Variants in C6orf89 observed in about 807,000 individuals in gnomAD.
C6orf89 encodes bombesin receptor-activated protein C6orf89.
A neutral mutation model predicts 40.7 loss-of-function variants in C6orf89; 29 were observed. That is an observed-to-expected ratio of 0.71 (90% CI 0.53 to 0.97). The LOEUF (loss-of-function observed/expected upper bound fraction) is 0.97, where lower values mean the gene tolerates loss of function less well. Among genes scored for constraint, C6orf89 ranks in the 50% least tolerant of loss-of-function variants. The pLI is 0.00. For missense variants in C6orf89, 392 were observed against 429.1 expected, an observed-to-expected ratio of 0.91 and a Z score of 0.76; for synonymous variants, 165 against 152.2, an observed-to-expected ratio of 1.08 and a Z score of -0.62.
chr6:36,874,659 T>C (rs1436900986), intron 1 of C6orf89: 8 of 1,591,430 alleles, frequency 5.0e-6, no homozygotes, highest in African/African-American at 4.0e-5. Flanking sequence ...CGCAGACCCG[T>C]GGTGAGGCCC....
chr6:36,880,466 T>C (rs111608903), intron 2 of C6orf89, among the ~76,000 whole-genome samples: 1,554 of 152,308 alleles, frequency 0.01, 25 homozygotes, highest in African/African-American at 0.035. Flanking sequence ...ATAAAAGAGC[T>C]CAAATTAATT....
intron 6 of C6orf89, among the ~76,000 whole-genome samples, chr6:36,915,981 T>C (rs1271032972): frequency 6.6e-6 from 1 of 152,180 alleles, no homozygotes; most frequent in Non-Finnish European, 1.5e-5. Flanking sequence ...TATCTTTCTT[T>C]AAATGTGCTG....
At chr6:36,882,713 C>CT (rs1168220528), upstream of C6orf89, among the ~76,000 whole-genome samples, 552 of 115,322 alleles carry the variant, frequency 4.8e-3, 6 homozygotes, top group East Asian at 0.017. Context: ...TTGTCATTTT[C>CT]TTTTTTTTTT....
chr6:36,879,790 A>G lies in C6orf89; in HGVS notation c.-503+658A>G, dbSNP rs373341569. Among the ~76,000 whole-genome samples, 4 of 152,250 alleles carry G rather than the reference A, an allele frequency of 2.6e-5. No homozygotes were observed. In the East Asian group the frequency reaches 5.8e-4, roughly 22 times the overall value. On this transcript the variant is annotated intron_variant, in intron 2 of 9. Coordinates refer to the C6orf89 transcript ENST00000359359. Reference sequence around the variant, plus strand: ...TCCATCTTGTTTTATGTCCTTGGGAACTTGACCTCGTAACCACGTGGCAGT... The same window carrying G: ...TCCATCTTGTTTTATGTCCTTGGGAGCTTGACCTCGTAACCACGTGGCAGT...
rs371877075 is a variant in C6orf89, at chr6:36,886,895, T to C, written c.-120+867T>C. Among the ~76,000 whole-genome samples, 64 of 152,330 alleles carry C rather than the reference T, an allele frequency of 4.2e-4. 1 individual carries two copies. The South Asian group carries it at 0.012, about 29-fold the overall frequency. ...AACTAATAAATTCAATTCTGCTACATTGAAGTTTTGACTAAAGGTTCATGT... is the reference window on the plus strand; with the variant it reads ...AACTAATAAATTCAATTCTGCTACACTGAAGTTTTGACTAAAGGTTCATGT... On this transcript the variant is annotated intron_variant, in intron 1 of 8. Coordinates refer to ENST00000480824, the MANE Select transcript of C6orf89 (RefSeq NM_001286635.2).
intron 4 of C6orf89, among the ~76,000 whole-genome samples, chr6:36,911,014 G>A (rs185669655): frequency 6.6e-6 from 1 of 151,828 alleles, no homozygotes; most frequent in Non-Finnish European, 1.5e-5. Flanking sequence ...ACTTGTGTTC[G>A]CCTCTAACTT....
chr6:36,882,532 T>G (rs1314054201), upstream of C6orf89, among the ~76,000 whole-genome samples: 1 of 152,204 alleles, frequency 6.6e-6, no homozygotes, highest in Non-Finnish European at 1.5e-5. Flanking sequence ...TTAAACGTTC[T>G]GGAAAAGATA....
chr6:36,891,548 T>C (rs1209928248), intron 1 of C6orf89, among the ~76,000 whole-genome samples: 1 of 152,248 alleles, frequency 6.6e-6, no homozygotes, highest in Non-Finnish European at 1.5e-5. Context: ...TTTCTAGTTC[T>C]AGATCCTTGA....
At chr6:36,896,852 GC>G (rs1761447360) in intron 2 of C6orf89, among the ~76,000 whole-genome samples, 1 of 152,046 alleles carries the variant, frequency 6.6e-6, no homozygotes, top group African/African-American at 2.4e-5. Context: ...AAAGGGACAG[GC>G]ATGGTGGCTC....
chr6:36,922,454 A>G (rs182022612), intron 8 of C6orf89, among the ~76,000 whole-genome samples: 3 of 152,364 alleles, frequency 2.0e-5, no homozygotes, highest in Admixed American at 1.3e-4. Context: ...GTTTACCTTC[A>G]TAGCCCACTC....
In C6orf89 at chr6:36,876,336, C is replaced by T. The variant is rs139511936; in HGVS notation, c.-627-2672C>T. 4.3e-3 allele frequency among the ~76,000 whole-genome samples: 659 copies of T among 152,274 alleles called. 4 individuals are homozygous for T. The highest frequency in any genetic ancestry group is 0.015 in the African/African-American group (640 of 41,548). ...ACTGAGGAGACAGAGATGAGTCTCA[C>T]ACACACAGTGCCCTGCCCTAAAGAA... On this transcript the variant is annotated intron_variant, in intron 1 of 9. Coordinates refer to the C6orf89 transcript ENST00000359359.
rs1435290685 is a variant in C6orf89 at position 36,926,586 on chromosome 6, GGAGGGA to G, written c.*3146_*3151del. 7.4e-6 allele frequency: 1 copy of G among 135,224 alleles called. No individual in the cohort carries two copies. The highest frequency in any genetic ancestry group is 3.0e-5 in the African/African-American group (1 of 33,714). 8.4% of individuals were successfully genotyped at this position (135,224 alleles called of 1,614,324 possible). A position where few individuals can be genotyped will look rare whatever the true frequency, so the allele number is the denominator to read the frequency against. ...GAGAGAGAGAAAAGAAGAGGGGAGG[GGAGGGA>G]AAGGGAAGGGAGGGGAGGGGAGGAG... On this transcript the variant is annotated 3_prime_UTR_variant, in exon 9 of 9. Transcript: ENST00000480824.
intron 6 of C6orf89, among the ~76,000 whole-genome samples, chr6:36,915,764 AT>A (rs1561874568): frequency 6.6e-6 from 1 of 151,540 alleles, no homozygotes; most frequent in Non-Finnish European, 1.5e-5. Flanking sequence ...AAACAGAGAG[AT>A]TAAGTAACTT....
chr6:36,905,411 T>C (rs895177413), intron 4 of C6orf89, among the ~76,000 whole-genome samples: 2 of 152,230 alleles, frequency 1.3e-5, no homozygotes, highest in Non-Finnish European at 2.9e-5. Flanking sequence ...TCTCGGATCA[T>C]CAGTTACTTT....
chr6:36,910,053 C>A (rs1378407887), intron 4 of C6orf89, among the ~76,000 whole-genome samples: 1 of 151,940 alleles, frequency 6.6e-6, no homozygotes, highest in Non-Finnish European at 1.5e-5. Context: ...TAAAGTCTCA[C>A]ATTTACAGAC....
intron 8 of C6orf89, 29 bp from the exon 9 acceptor site, chr6:36,923,318 A>T: frequency 1.3e-6 from 2 of 1,578,950 alleles, no homozygotes; most frequent in Non-Finnish European, 1.7e-6. Flanking sequence ...TGACATTTAC[A>T]TGCCTTCCTC....
chr6:36,888,646 A>T (rs1775082961), intron 1 of C6orf89, among the ~76,000 whole-genome samples: 1 of 152,178 alleles, frequency 6.6e-6, no homozygotes. Flanking sequence ...AAATAAAAAT[A>T]AAAAACTGGA....
In C6orf89 at chr6:36,914,624, T is replaced by C; in HGVS notation, c.626T>C (p.Phe209Ser). Residue 209 changes from phenylalanine (F) to serine (S), a missense_variant, in exon 6 of 9, where the codon TTC becomes TCC. Physicochemically the swap from Phe to Ser is radical, Grantham distance 155. Coordinates refer to ENST00000480824, the MANE Select transcript of C6orf89 (RefSeq NM_001286635.2). ...CAGTACCCTGAGGCGACAGAAGGCT[T>C]CTCTGAAGGGTTTTTCGCCAAGTGG... ...LCQYPEATEGFSEGFFAKWWR... is the reference protein window; with the variant it reads ...LCQYPEATEGSSEGFFAKWWR... 6.2e-7 allele frequency: 1 copy of C among 1,614,218 alleles called. No homozygotes were observed. The highest frequency in any genetic ancestry group is 8.5e-7 in the Non-Finnish European group (1 of 1,180,034).
intron 1 of C6orf89, among the ~76,000 whole-genome samples, chr6:36,892,029 A>T (rs1042280478): frequency 2.0e-5 from 3 of 152,212 alleles, no homozygotes; most frequent in Non-Finnish European, 4.4e-5. Flanking sequence ...CTTTAAAGAA[A>T]CATTTGTATT....
Sources: allele counts gnomAD v4.1 joint callset (sites outside exome capture counted in the v4.1 genomes callset), GRCh38; gene constraint gnomAD v4.1.1; transcripts MANE v1.5; gene names NCBI Gene and HGNC (gene_info 2026-07-23, HGNC 2026-07-21).